Variants in SGF29 observed in about 807,000 individuals in gnomAD.
The protein encoded by SGF29 is SAGA complex associated factor 29, also known as SAGA-associated factor 29.
A neutral mutation model predicts 38.1 loss-of-function variants in SGF29; 15 were observed. The ratio of observed to expected loss-of-function variants is 0.39; its 90% CI spans 0.26 to 0.61. The LOEUF (loss-of-function observed/expected upper bound fraction) is 0.61. SGF29 is among the 20% of genes least tolerant of loss of function. The probability of loss-of-function intolerance (pLI) is 0.49; values close to 1 mark genes in which losing one functional copy is unlikely to be tolerated. For missense variants in SGF29, 184 were observed against 394.6 expected, an observed-to-expected ratio of 0.47 and a Z score of 4.52; for synonymous variants, 151 against 160.8, an observed-to-expected ratio of 0.94 and a Z score of 0.46.
intron 1 of SGF29, among the ~76,000 whole-genome samples, chr16:28,574,877 T>A (rs2046884345): frequency 6.6e-6 from 1 of 152,224 alleles, no homozygotes; most frequent in African/African-American, 2.4e-5. Context: ...TCCACTTTTA[T>A]TCTTTTGTGT....
chr16:28,568,138 C>G (rs930911645), intron 1 of SGF29, among the ~76,000 whole-genome samples: 7 of 151,546 alleles, frequency 4.6e-5, no homozygotes. Flanking sequence ...CATGGTGAAA[C>G]CCCATCTCTA....
intron 9 of SGF29, among the ~76,000 whole-genome samples, chr16:28,591,205 G>C (rs2046988524): frequency 6.6e-6 from 1 of 152,160 alleles, no homozygotes. Context: ...TGAGCCCTGG[G>C]CTCCTACCGC....
Position 28,580,212 on chromosome 16 carries a change from G to A in SGF29, c.-15-843G>A, listed in dbSNP as rs1053490558. On this transcript the variant is annotated intron_variant, in intron 1 of 9. Coordinates refer to ENST00000317058, the MANE Select transcript of SGF29 (RefSeq NM_138414.3). The stretch of plus-strand genomic sequence containing the variant: ...CACTCCTTGACTCCTTGACTTCGTC[G>A]AACATATGACATTCAAACATATCAA... 1.2e-4 allele frequency among the ~76,000 whole-genome samples: 18 copies of A among 151,958 alleles called. 1 individual carries two copies. Among genetic ancestry groups the A allele is most frequent in the Admixed American group, 2.6e-4 (4 of 15,256 alleles).
At chr16:28,557,079 C>T (rs560219499) in intron 1 of SGF29, among the ~76,000 whole-genome samples, 4 of 152,236 alleles carry the variant, frequency 2.6e-5, no homozygotes, top group African/African-American at 9.6e-5. Flanking sequence ...CTTAGAGTGG[C>T]TTAAGTGTAG....
rs2151652866 is a variant in SGF29, at chr16:28,585,711, C to G, written c.215C>G (p.Ala72Gly). The G allele has an allele frequency of 6.2e-7, 1 of 1,614,202 alleles. No individual in the cohort carries two copies. The highest frequency in any genetic ancestry group is 8.5e-7 in the Non-Finnish European group (1 of 1,179,986). The change falls in exon 4 of 10, where the codon GCT becomes GGT. Residue 72 changes from alanine (A) to glycine (G), a missense_variant. Transcript: ENST00000317058. The stretch of plus-strand genomic sequence containing the variant: ...ACAACCGCCAAGGCCGATGCAGAGG[C>G]TGAGTGCAAGTGAGTACCGTGCACC... Reference protein sequence around the residue: ...LYTTAKADAEAECNILRKALD... With the variant: ...LYTTAKADAEGECNILRKALD...
chr16:28,585,746 G>T (rs752866906), intron 4 of SGF29, 26 bp downstream of exon 4: 3 of 1,607,582 alleles, frequency 1.9e-6, no homozygotes. Context: ...CCACTTCATC[G>T]CCGCTCCCTC....
chr16:28,589,025 A>G, intron 4 of SGF29, 75 bp from the exon 5 acceptor site: 4 of 1,558,678 alleles, frequency 2.6e-6, no homozygotes, highest in Non-Finnish European at 3.5e-6. Context: ...CTTGACCCAA[A>G]ACAGAAAAAA....
At chr16:28,586,521 A>C (rs1035685480) in intron 4 of SGF29, among the ~76,000 whole-genome samples, 6 of 152,156 alleles carry the variant, frequency 3.9e-5, no homozygotes, top group African/African-American at 1.4e-4. Flanking sequence ...AAAAAAAAAA[A>C]ACTAAAATAA....
At chr16:28,585,253 G>T (rs1596607139) in intron 3 of SGF29, 1 of 513,648 alleles carries the variant, frequency 1.9e-6, no homozygotes, top group Middle Eastern at 5.2e-4. Context: ...CAGTTAGCTG[G>T]TGTTTTCTAG....
At chr16:28,572,407 T>TA (rs2046870405) in intron 1 of SGF29, among the ~76,000 whole-genome samples, 1 of 151,970 alleles carries the variant, frequency 6.6e-6, no homozygotes, top group Non-Finnish European at 1.5e-5. Flanking sequence ...TAGCTGGGAT[T>TA]ACAGGCACCG....
At chr16:28,561,767 C>T (rs1267436236) in intron 1 of SGF29, among the ~76,000 whole-genome samples, 4 of 152,174 alleles carry the variant, frequency 2.6e-5, no homozygotes, top group Admixed American at 6.6e-5. Flanking sequence ...CTGGCACCCT[C>T]GGACTCTGAT....
At chr16:28,589,646 G>C (rs552085130) in intron 5 of SGF29, among the ~76,000 whole-genome samples, 3 of 152,200 alleles carry the variant, frequency 2.0e-5, no homozygotes, top group Non-Finnish European at 4.4e-5. Context: ...AGTCAAGTGG[G>C]GTGTCCAGCT....
In SGF29 at chr16:28,569,026, TG is replaced by T. The variant is rs573213760; in HGVS notation, c.-15-12028del. Among the ~76,000 whole-genome samples the T allele has an allele frequency of 1.2e-4, 18 of 151,660 alleles. No homozygotes were observed. The South Asian group carries it at 3.8e-3, about 32-fold the overall frequency. On this transcript the variant is annotated intron_variant, in intron 1 of 9. Transcript: ENST00000317058. ...TCGCTTGAACCTGGGAGGCGAAGTT[TG>T]CAGTGAGCCGAGATCACACCATTAC...
At chr16:28,584,788 CAAAA>C (rs377573618) in intron 2 of SGF29, 121 bp from the exon 3 acceptor site, 2,989 of 413,610 alleles carry the variant, frequency 7.2e-3, no homozygotes, top group South Asian at 9.4e-3. Flanking sequence ...GACTCCATCT[CAAAA>C]AAAAAAAAAA....
intron 2 of SGF29, among the ~76,000 whole-genome samples, chr16:28,581,887 C>T (rs1197317278): frequency 2.0e-5 from 3 of 151,266 alleles, no homozygotes; most frequent in Admixed American, 6.6e-5. Flanking sequence ...CCACTGCACT[C>T]CAGCCTGGGT....
intron 1 of SGF29, among the ~76,000 whole-genome samples, chr16:28,564,746 T>TGTATATATGTATATATATATAC (rs2046823722): frequency 4.0e-5 from 1 of 24,848 alleles, no homozygotes; most frequent in African/African-American, 1.3e-4. Context: ...TGTATATATG[T>TGTATATATGTATATATATATAC]ATATATATGT....
chr16:28,564,683 ATGTG>A (rs71961568), intron 1 of SGF29, among the ~76,000 whole-genome samples: 24 of 68,262 alleles, frequency 3.5e-4, no homozygotes, highest in African/African-American at 1.1e-3. Context: ...ATGTATATAT[ATGTG>A]TATATATATG....
intron 1 of SGF29, among the ~76,000 whole-genome samples, chr16:28,564,024 G>T (rs901095248): frequency 2.0e-5 from 3 of 152,164 alleles, no homozygotes; most frequent in Non-Finnish European, 4.4e-5. Flanking sequence ...TGGGATTAGA[G>T]GCTTAAGCCA....
rs1263913551 is a variant in SGF29, at chr16:28,576,153, G to A, written c.-15-4902G>A. ...ATACACTTATTAAGATAAACATAGT[G>A]TAAATACGTTAAAAAAAACACATTA... On this transcript the variant is annotated intron_variant, in intron 1 of 9. Coordinates refer to ENST00000317058, the MANE Select transcript of SGF29 (RefSeq NM_138414.3). Among the ~76,000 whole-genome samples, 7 of 151,438 alleles carry A rather than the reference G, an allele frequency of 4.6e-5. 1 individual carries two copies. Among genetic ancestry groups the A allele is most frequent in the Admixed American group, 3.9e-4 (6 of 15,228 alleles).
Sources: allele counts gnomAD v4.1 joint callset (sites outside exome capture counted in the v4.1 genomes callset), GRCh38; gene constraint gnomAD v4.1.1; transcripts MANE v1.5; gene names NCBI Gene and HGNC (gene_info 2026-07-23, HGNC 2026-07-21).